PPARGC1A: variants seen among roughly 807,000 people sequenced by gnomAD.
PPARGC1A encodes PPARG coactivator 1 alpha, also known as peroxisome proliferator-activated receptor gamma coactivator 1-alpha.
PPARGC1A carries 25 observed loss-of-function variants against 88.7 expected under a neutral mutation model. The ratio of observed to expected loss-of-function variants is 0.28; its 90% CI spans 0.21 to 0.39. PPARGC1A has a LOEUF of 0.39. Among genes scored for constraint, PPARGC1A ranks in the 10% least tolerant of loss-of-function variants. The probability of loss-of-function intolerance (pLI) is 1.00; values close to 1 mark genes in which losing one functional copy is unlikely to be tolerated. For missense variants in PPARGC1A, 880 were observed against 968.7 expected (o/e 0.91, Z 1.22); for synonymous variants, 363 against 355.6 (o/e 1.02, Z -0.24).
chr4:24,066,561 AGT>A, the PPARGC1A span, among the ~76,000 whole-genome samples: 1 of 152,148 alleles, frequency 6.6e-6, no homozygotes, highest in Admixed American at 6.5e-5. Flanking sequence ...TTTCTCCGTC[AGT>A]GAGAGGACAG....
At chr4:24,203,958 T>C in the PPARGC1A span, among the ~76,000 whole-genome samples, 1 of 152,222 alleles carries the variant, frequency 6.6e-6, no homozygotes, top group Non-Finnish European at 1.5e-5. Context: ...CAGAAATACA[T>C]GTTTAAGGGA....
chr4:23,828,590 C>A lies in PPARGC1A; in HGVS notation c.567G>T (p.Trp189Cys), dbSNP rs1379449432. The A allele has an allele frequency of 6.2e-7, 1 of 1,613,914 alleles. No individual in the cohort carries two copies. The highest frequency in any genetic ancestry group is 8.5e-7 in the Non-Finnish European group (1 of 1,179,942). Residue 189 changes from tryptophan (W) to cysteine (C), a missense_variant, in exon 5 of 13, where the codon TGG becomes TGT. Trp to Cys is a radical substitution (Grantham distance 215). Coordinates refer to ENST00000264867, the MANE Select transcript of PPARGC1A (RefSeq NM_013261.5). ...GACAAATACTCTTCGCTTTATTGCT[C>A]CATGAATTCTCAGTCTTAAAAACAA... ...NPAIVKTENSWSNKAKSICQQ... is the reference protein window; with the variant it reads ...NPAIVKTENSCSNKAKSICQQ...
chr4:23,873,584 G>T (rs750408033), intron 2 of PPARGC1A, among the ~76,000 whole-genome samples: 3 of 150,364 alleles, frequency 2.0e-5, no homozygotes, highest in Non-Finnish European at 4.4e-5. Context: ...TTTTAGTAAG[G>T]TGCAAATTTG....
At chr4:24,375,646 G>A in the PPARGC1A span, among the ~76,000 whole-genome samples, 1 of 152,282 alleles carries the variant, frequency 6.6e-6, no homozygotes, top group South Asian at 2.1e-4. Flanking sequence ...TTATATTATG[G>A]TGGGAGGAGG....
the PPARGC1A span, among the ~76,000 whole-genome samples, chr4:24,413,571 C>A: frequency 3.3e-5 from 5 of 152,154 alleles, no homozygotes; most frequent in African/African-American, 4.8e-5. Flanking sequence ...GCTTCTTTAG[C>A]CGGCTGGGAT....
the PPARGC1A span, among the ~76,000 whole-genome samples, chr4:24,245,229 A>C: frequency 9.3e-4 from 141 of 152,360 alleles, no homozygotes; most frequent in East Asian, 2.5e-3. Context: ...TGAAGTGATC[A>C]AATACTGTGT....
the PPARGC1A span, among the ~76,000 whole-genome samples, chr4:24,089,510 C>CTTTTTTTTTTT: frequency 3.0e-5 from 1 of 33,820 alleles, no homozygotes; most frequent in African/African-American, 6.8e-5. Flanking sequence ...CTTTTCTTTT[C>CTTTTTTTTTTT]TTTCTTTTTT....
chr4:24,082,568 T>C, the PPARGC1A span, among the ~76,000 whole-genome samples: 2 of 152,146 alleles, frequency 1.3e-5, no homozygotes, highest in African/African-American at 4.8e-5. Context: ...AGTGAGAGAA[T>C]CGCTGCATTC....
chr4:24,196,916 T>C, the PPARGC1A span, among the ~76,000 whole-genome samples: 1 of 152,184 alleles, frequency 6.6e-6, no homozygotes, highest in Non-Finnish European at 1.5e-5. Flanking sequence ...TTGCTATAAA[T>C]AGATGACTTC....
chr4:24,121,945 A>G, the PPARGC1A span, among the ~76,000 whole-genome samples: 1 of 152,128 alleles, frequency 6.6e-6, no homozygotes, highest in Admixed American at 6.5e-5. Flanking sequence ...TCATTTTAGC[A>G]AGATTCAAGA....
the PPARGC1A span, among the ~76,000 whole-genome samples, chr4:24,411,866 T>C: frequency 0.01 from 1,555 of 152,372 alleles, 23 homozygotes; most frequent in African/African-American, 0.036. Context: ...TTTTTAGCAC[T>C]GAATAATATT....
At chr4:23,990,693 G>T in the PPARGC1A span, among the ~76,000 whole-genome samples, 1 of 148,010 alleles carries the variant, frequency 6.8e-6, no homozygotes, top group Non-Finnish European at 1.5e-5. Flanking sequence ...TCCTGACGTG[G>T]GGTTTCTGGA....
chr4:23,918,011 G>A, the PPARGC1A span, among the ~76,000 whole-genome samples: 1 of 152,154 alleles, frequency 6.6e-6, no homozygotes, highest in Non-Finnish European at 1.5e-5. Context: ...GATACATTGT[G>A]GATATCTATG....
the PPARGC1A span, among the ~76,000 whole-genome samples, chr4:24,449,815 C>T: frequency 2.0e-5 from 3 of 152,000 alleles, no homozygotes; most frequent in African/African-American, 2.4e-5. Context: ...AAAAAAGAAC[C>T]GGATATTACC....
At chr4:24,354,438 T>G in the PPARGC1A span, among the ~76,000 whole-genome samples, 1 of 152,220 alleles carries the variant, frequency 6.6e-6, no homozygotes, top group African/African-American at 2.4e-5. Flanking sequence ...TAACAATTCA[T>G]AAATGTTCAC....
chr4:24,377,518 G>A, the PPARGC1A span, among the ~76,000 whole-genome samples: 1 of 152,132 alleles, frequency 6.6e-6, no homozygotes, highest in Admixed American at 6.5e-5. Flanking sequence ...AGTTCAGCCT[G>A]ATTCTCGGTT....
the PPARGC1A span, among the ~76,000 whole-genome samples, chr4:24,176,531 T>C: frequency 6.6e-6 from 1 of 152,036 alleles, no homozygotes; most frequent in Non-Finnish European, 1.5e-5. Flanking sequence ...GGAAGGGATA[T>C]TAAGGAACTA....
At chr4:24,055,621 T>C in the PPARGC1A span, among the ~76,000 whole-genome samples, 3 of 152,174 alleles carry the variant, frequency 2.0e-5, no homozygotes, top group Non-Finnish European at 2.9e-5. Context: ...GAAAGCTACA[T>C]TGAGTTATTG....
the PPARGC1A span, among the ~76,000 whole-genome samples, chr4:24,301,728 C>T: frequency 6.6e-6 from 1 of 151,700 alleles, no homozygotes; most frequent in Non-Finnish European, 1.5e-5. Flanking sequence ...TCATTATCTA[C>T]ATTTATGGGG....
Sources: gnomAD v4.1 joint callset for allele counts (sites outside exome capture counted in the v4.1 genomes callset) on GRCh38, gnomAD v4.1.1 for gene constraint, MANE v1.5 for transcripts, NCBI Gene and HGNC (gene_info 2026-07-23, HGNC 2026-07-21) for gene names.